CNTN4: variants seen among roughly 807,000 people sequenced by gnomAD.
The protein encoded by CNTN4 is contactin-4.
A neutral mutation model predicts 122.5 loss-of-function variants in CNTN4; 77 were observed. That is an observed-to-expected ratio of 0.63 (90% CI 0.52 to 0.76). CNTN4 has a LOEUF of 0.76. Ranked by LOEUF, CNTN4 falls within the 30% of genes least tolerant of loss-of-function variation. The probability of loss-of-function intolerance (pLI) is 0.00; values close to 1 mark genes in which losing one functional copy is unlikely to be tolerated. For synonymous variants in CNTN4, 512 were observed against 447.0 expected (o/e 1.15, Z -1.83); for missense variants, 1,256 against 1,259.1 (o/e 1.00, Z 0.04).
chr3:2,466,942 G>GT (rs1226341671), intron 3 of CNTN4, among the ~76,000 whole-genome samples: 1 of 136,024 alleles, frequency 7.4e-6, no homozygotes, highest in Non-Finnish European at 1.6e-5. Context: ...CGTTAAATTA[G>GT]TTTTTTTCTT....
At chr3:3,042,751 TTG>T in intron 21 of CNTN4, 1 of 601,234 alleles carries the variant, frequency 1.7e-6, no homozygotes, top group South Asian at 2.0e-5. Context: ...TGAACGACGG[TTG>T]TGTCAATGTA....
intron 3 of CNTN4, among the ~76,000 whole-genome samples, chr3:2,427,861 A>G (rs934170067): frequency 2.0e-5 from 3 of 151,862 alleles, no homozygotes; most frequent in Admixed American, 1.3e-4. Flanking sequence ...TTGTTGGTTT[A>G]AAGTCTGTTT....
chr3:2,623,613 G>C (rs951960721), intron 4 of CNTN4, among the ~76,000 whole-genome samples: 1 of 152,134 alleles, frequency 6.6e-6, no homozygotes, highest in African/African-American at 2.4e-5. Flanking sequence ...TAGGAGAGAG[G>C]GTTGTGTGGC....
chr3:2,840,697 TC>T (rs1352145081), intron 7 of CNTN4, among the ~76,000 whole-genome samples: 10 of 150,820 alleles, frequency 6.6e-5, no homozygotes, highest in Admixed American at 4.0e-4. Context: ...ACACTCCGTC[TC>T]CAAAAAATAA....
intron 2 of CNTN4, among the ~76,000 whole-genome samples, chr3:2,284,769 G>A (rs1290501883): frequency 6.6e-6 from 1 of 151,814 alleles, no homozygotes; most frequent in Non-Finnish European, 1.5e-5. Flanking sequence ...GTTAACTTAT[G>A]AGGTGAGTAG....
Position 2,342,342 on chromosome 3 carries a change from T to C in CNTN4, c.-89+3109T>C, listed in dbSNP as rs530068819. ...TTACATTCTTCTTTTTCTGGATTGG[T>C]ACAAAAATTTTCATCTTTTGTTAGG... On this transcript the variant is annotated intron_variant, in intron 3 of 24. Coordinates refer to ENST00000418658, the MANE Select transcript of CNTN4 (RefSeq NM_175607.3). Among the ~76,000 whole-genome samples, 5 of 152,332 alleles carry C rather than the reference T, an allele frequency of 3.3e-5. No homozygotes were observed. In the East Asian group the frequency reaches 9.6e-4, roughly 29 times the overall value.
intron 3 of CNTN4, among the ~76,000 whole-genome samples, chr3:2,420,930 G>A (rs995958377): frequency 6.6e-6 from 1 of 152,108 alleles, no homozygotes; most frequent in Non-Finnish European, 1.5e-5. Context: ...TGTACTTCAC[G>A]TTTTGCCTAA....
chr3:2,821,224 T>G (rs1015879915), intron 7 of CNTN4, among the ~76,000 whole-genome samples: 5 of 152,132 alleles, frequency 3.3e-5, no homozygotes, highest in African/African-American at 1.2e-4. Flanking sequence ...CCCAAAGTGC[T>G]GGGATTACAG....
At chr3:2,465,447 T>C (rs2075461912) in intron 3 of CNTN4, among the ~76,000 whole-genome samples, 1 of 152,102 alleles carries the variant, frequency 6.6e-6, no homozygotes, top group Admixed American at 6.5e-5. Flanking sequence ...GAGGCCGAGA[T>C]AGACGGATTG....
chr3:2,981,486 C>T (rs1291824788), intron 13 of CNTN4, among the ~76,000 whole-genome samples: 1 of 151,808 alleles, frequency 6.6e-6, no homozygotes, highest in Non-Finnish European at 1.5e-5. Flanking sequence ...CTCCCGTACC[C>T]TCACTATCTG....
At chr3:3,053,357 C>T (rs1701458233) in intron 23 of CNTN4, among the ~76,000 whole-genome samples, 1 of 152,210 alleles carries the variant, frequency 6.6e-6, no homozygotes, top group Non-Finnish European at 1.5e-5. Flanking sequence ...CTTGAAAACA[C>T]ACTCCAGAAG....
chr3:2,215,984 C>A (rs2038822907), intron 2 of CNTN4, among the ~76,000 whole-genome samples: 1 of 150,758 alleles, frequency 6.6e-6, no homozygotes, highest in African/African-American at 2.4e-5. Flanking sequence ...ATGGCAATTC[C>A]TCAAAGAACT....
At chr3:2,395,637 C>T (rs1430362606) in intron 3 of CNTN4, among the ~76,000 whole-genome samples, 1 of 152,032 alleles carries the variant, frequency 6.6e-6, no homozygotes, top group Non-Finnish European at 1.5e-5. Flanking sequence ...GTCCATTGTT[C>T]CCGTCTTTAT....
chr3:2,493,488 C>T (rs552284254), intron 3 of CNTN4, among the ~76,000 whole-genome samples: 68 of 150,110 alleles, frequency 4.5e-4, no homozygotes, highest in African/African-American at 1.4e-3. Flanking sequence ...AAACCACACA[C>T]GGATCTAGTT....
intron 16 of CNTN4, among the ~76,000 whole-genome samples, chr3:3,034,428 G>C (rs953390875): frequency 6.6e-6 from 1 of 152,172 alleles, no homozygotes; most frequent in Admixed American, 6.5e-5. Flanking sequence ...CTAGAAGGAA[G>C]GGGCTGTGTT....
At chr3:2,118,402 C>T (rs1444870570) in intron 2 of CNTN4, among the ~76,000 whole-genome samples, 2 of 152,196 alleles carry the variant, frequency 1.3e-5, no homozygotes, top group South Asian at 2.1e-4. Context: ...CTTTGTGAAG[C>T]ACATTTTATT....
At chr3:2,760,369 T>C (rs2090533100) in intron 6 of CNTN4, among the ~76,000 whole-genome samples, 1 of 152,202 alleles carries the variant, frequency 6.6e-6, no homozygotes, top group Non-Finnish European at 1.5e-5. Flanking sequence ...AAGTATTCGT[T>C]CAAAAGAATG....
chr3:2,539,137 C>T (rs1365114462), intron 3 of CNTN4, among the ~76,000 whole-genome samples: 1 of 151,942 alleles, frequency 6.6e-6, no homozygotes, highest in Non-Finnish European at 1.5e-5. Flanking sequence ...TAATTATTTT[C>T]ATAAGGATTT....
intron 3 of CNTN4, among the ~76,000 whole-genome samples, chr3:2,478,951 C>A (rs1481891683): frequency 6.6e-6 from 1 of 152,028 alleles, no homozygotes; most frequent in Non-Finnish European, 1.5e-5. Context: ...ATATCTTGAT[C>A]ACAGCTTTGG....
Sources: allele counts gnomAD v4.1 joint callset (sites outside exome capture counted in the v4.1 genomes callset), GRCh38; gene constraint gnomAD v4.1.1; transcripts MANE v1.5; gene names NCBI Gene and HGNC (gene_info 2026-07-23, HGNC 2026-07-21).